Variants in TLK1 observed in about 807,000 individuals in gnomAD.
TLK1 encodes tousled like kinase 1.
A neutral mutation model predicts 105.3 loss-of-function variants in TLK1; 24 were observed. The observed-to-expected ratio is 0.23, with a 90% confidence interval of 0.17 to 0.32. TLK1 has a LOEUF of 0.32. TLK1 is among the 10% of genes least tolerant of loss of function. The pLI is 1.00. For synonymous variants in TLK1, 321 were observed against 310.4 expected (o/e 1.03, Z -0.36); for missense variants, 558 against 910.5 (o/e 0.61, Z 4.98).
upstream of TLK1, among the ~76,000 whole-genome samples, chr2:171,163,470 G>A (rs991688160): frequency 6.6e-6 from 1 of 152,166 alleles, no homozygotes; most frequent in African/African-American, 2.4e-5. Context: ...AGCAGATTGC[G>A]GTGAAAAGAA....
At chr2:171,056,835 G>A (rs369559971) in intron 5 of TLK1, among the ~76,000 whole-genome samples, 33 of 151,866 alleles carry the variant, frequency 2.2e-4, no homozygotes, top group African/African-American at 7.5e-4. Context: ...TCAACTCAAA[G>A]ACAAATAAAT....
chr2:171,127,689 C>A (rs959193536), intron 1 of TLK1, among the ~76,000 whole-genome samples: 5 of 151,912 alleles, frequency 3.3e-5, no homozygotes, highest in South Asian at 2.1e-4. Flanking sequence ...AGATATATAT[C>A]TAATTTTTTT....
chr2:171,068,999 T>C (rs1688135397), intron 3 of TLK1, among the ~76,000 whole-genome samples: 1 of 152,226 alleles, frequency 6.6e-6, no homozygotes, highest in Non-Finnish European at 1.5e-5. Flanking sequence ...TGTCAACTTG[T>C]GCTCAATGCT....
chr2:171,028,970 G>C (rs1178376469), intron 11 of TLK1, among the ~76,000 whole-genome samples: 2 of 151,996 alleles, frequency 1.3e-5, no homozygotes, highest in Admixed American at 6.6e-5. Context: ...ATAACAAAAA[G>C]ACAACCATGA....
intron 2 of TLK1, among the ~76,000 whole-genome samples, chr2:171,107,648 T>A (rs193036208): frequency 6.6e-6 from 1 of 152,284 alleles, no homozygotes; most frequent in East Asian, 1.9e-4. Context: ...ATGTCTTGTG[T>A]CTGAAAACCA....
chr2:171,073,893 T>A (rs1490625402), intron 3 of TLK1, among the ~76,000 whole-genome samples: 1 of 141,190 alleles, frequency 7.1e-6, no homozygotes, highest in East Asian at 2.4e-4. Flanking sequence ...CTCCTTTTTT[T>A]TTCTTTCTTT....
chr2:171,053,653 G>A (rs1211906232), intron 8 of TLK1, 108 bp downstream of exon 8: 18 of 833,200 alleles, frequency 2.2e-5, no homozygotes, highest in South Asian at 7.8e-5. Flanking sequence ...GAGCCACTGC[G>A]CCTGGCCTAG....
intron 2 of TLK1, among the ~76,000 whole-genome samples, chr2:171,088,385 C>G (rs529092480): frequency 4.6e-5 from 7 of 152,170 alleles, no homozygotes; most frequent in Non-Finnish European, 8.8e-5. Flanking sequence ...CCCAGTTACA[C>G]AGTTTCCAGT....
chr2:171,195,461 C>T (rs1693252291), intron 1 of TLK1, among the ~76,000 whole-genome samples: 1 of 146,820 alleles, frequency 6.8e-6, no homozygotes, highest in Non-Finnish European at 1.5e-5. Flanking sequence ...CCAGATGGCG[C>T]CACTGCACTC....
chr2:171,145,702 A>G (rs1202488876), intron 1 of TLK1, among the ~76,000 whole-genome samples: 4 of 152,254 alleles, frequency 2.6e-5, no homozygotes, highest in African/African-American at 7.2e-5. Context: ...GTCAATCAAC[A>G]AAGTATAAAA....
chr2:171,170,608 A>T lies in TLK1; in HGVS notation c.-5-52751T>A, dbSNP rs1409618379. Among the ~76,000 whole-genome samples, 2 of 152,204 alleles carry T rather than the reference A, an allele frequency of 1.3e-5. 1 individual carries two copies. The highest frequency in any genetic ancestry group is 1.3e-4 in the Admixed American group (2 of 15,278). On this transcript the variant is annotated intron_variant, in intron 1 of 20. Coordinates refer to the TLK1 transcript ENST00000521943. The stretch of plus-strand genomic sequence containing the variant: ...CACTCTGTCTTCTCCTCTGGTAGGT[A>T]CTATAGAGACCAGATAATGATGCGA...
intron 12 of TLK1, among the ~76,000 whole-genome samples, chr2:171,015,287 TTTTAA>T (rs61657743): frequency 0.21 from 31,294 of 151,796 alleles, 3,796 homozygotes; most frequent in Non-Finnish European, 0.28. Context: ...TCCATGCAAA[TTTTAA>T]TTTAAGAAGG....
intron 11 of TLK1, among the ~76,000 whole-genome samples, chr2:171,034,913 AC>A (rs1686247972): frequency 6.6e-6 from 1 of 152,072 alleles, no homozygotes; most frequent in Non-Finnish European, 1.5e-5. Context: ...CTGTGTCCCC[AC>A]CCAAATCTCA....
At chr2:171,022,094 C>CACACACAGACACAG (rs752355257) in intron 12 of TLK1, among the ~76,000 whole-genome samples, 10 of 149,796 alleles carry the variant, frequency 6.7e-5, no homozygotes, top group Admixed American at 5.3e-4. Context: ...AAAACACACA[C>CACACACAGACACAG]ACACACACAC....
chr2:171,061,122 C>G lies in TLK1; in HGVS notation c.365G>C (p.Gly122Ala), dbSNP rs564831861. The G allele has an allele frequency of 9.3e-6, 15 of 1,613,390 alleles. No individual in the cohort carries two copies. The highest frequency in any genetic ancestry group is 8.0e-5 in the African/African-American group (6 of 74,884). ...CTGGTTTTCTGCTTTTCTCTTTCTT[C>G]CCCTGGATGATTCCGATTGTTTCTT... Reference protein sequence around the residue: ...PEKKQSESSRGRKRKAENQNE... With the variant: ...PEKKQSESSRARKRKAENQNE... The change falls in exon 4 of 21, where the codon GGA (glycine) becomes GCA (alanine). Residue 122 changes from glycine to alanine, a missense_variant. Transcript: ENST00000431350.
At chr2:171,094,798 G>C (rs747761422) in intron 2 of TLK1, among the ~76,000 whole-genome samples, 4 of 152,102 alleles carry the variant, frequency 2.6e-5, no homozygotes, top group Non-Finnish European at 5.9e-5. Flanking sequence ...AGTAGAGACA[G>C]GGTTTCACCA....
At chr2:171,196,995 T>C (rs1388385578) in intron 1 of TLK1, among the ~76,000 whole-genome samples, 1 of 152,230 alleles carries the variant, frequency 6.6e-6, no homozygotes, top group East Asian at 1.9e-4. Context: ...AATTTGGGCC[T>C]TTAGTTGGAC....
chr2:171,083,035 A>G (rs961758773), intron 2 of TLK1, among the ~76,000 whole-genome samples, 183 bp from the exon 3 acceptor site: 1 of 152,158 alleles, frequency 6.6e-6, no homozygotes, highest in Non-Finnish European at 1.5e-5. Flanking sequence ...AACACTATAT[A>G]CTTTGAAAAG....
intron 1 of TLK1, among the ~76,000 whole-genome samples, chr2:171,142,781 G>A (rs1691634723): frequency 6.6e-6 from 1 of 152,158 alleles, no homozygotes; most frequent in Non-Finnish European, 1.5e-5. Flanking sequence ...TCTAACAACT[G>A]TAGTCTATAA....
Sources: allele counts gnomAD v4.1 joint callset (sites outside exome capture counted in the v4.1 genomes callset), GRCh38; gene constraint gnomAD v4.1.1; transcripts MANE v1.5; gene names NCBI Gene and HGNC (gene_info 2026-07-23, HGNC 2026-07-21).